SAMMSON: variants seen among roughly 807,000 people sequenced by gnomAD.
SAMMSON encodes the protein survival associated mitochondrial melanoma specific oncogenic non-coding RNA, also known as long intergenic non-protein coding RNA 1212.
Position 70,044,257 on chromosome 3 carries a change from A to G in SAMMSON, n.418-27219A>G, listed in dbSNP as rs145278662. The stretch of plus-strand genomic sequence containing the variant: ...TCTGAGCTCTGGATAGCAAATTGGC[A>G]AAATGGCCTCTTGTCACTGGAAAAT... On this transcript the variant is annotated intron_variant and non_coding_transcript_variant, in intron 3 of 9. Transcript: ENST00000642114. Among the ~76,000 whole-genome samples, 1,204 of 152,170 alleles carry G rather than the reference A, an allele frequency of 7.9e-3. 17 individuals are homozygous for G. Among genetic ancestry groups the G allele is most frequent in the Middle Eastern group, 0.017 (5 of 294 alleles).
chr3:70,146,863 T>C (rs1005774351), intron 4 of SAMMSON, among the ~76,000 whole-genome samples: 2 of 151,954 alleles, frequency 1.3e-5, no homozygotes, highest in South Asian at 2.1e-4. Context: ...CAGGCACTCA[T>C]ATTGGAAAAG....
At chr3:70,429,704 T>C (rs1055056425) in intron 2 of SAMMSON, among the ~76,000 whole-genome samples, 11 of 152,178 alleles carry the variant, frequency 7.2e-5, no homozygotes, top group Non-Finnish European at 1.0e-4. Context: ...GTTGGATTCC[T>C]AGGTATTTTA....
chr3:70,309,861 G>C (rs907038337), intron 7 of SAMMSON, among the ~76,000 whole-genome samples: 5 of 152,116 alleles, frequency 3.3e-5, no homozygotes, highest in African/African-American at 1.2e-4. Flanking sequence ...AGATTTTATA[G>C]ATTACAAGAA....
intron 9 of SAMMSON, among the ~76,000 whole-genome samples, chr3:70,363,493 G>A (rs1702893338): frequency 6.6e-6 from 1 of 151,690 alleles, no homozygotes; most frequent in South Asian, 2.1e-4. Context: ...AATGTTTCAG[G>A]GTACAACATC....
At chr3:70,055,594 T>A (rs992920001) in intron 3 of SAMMSON, among the ~76,000 whole-genome samples, 2 of 152,120 alleles carry the variant, frequency 1.3e-5, no homozygotes, top group African/African-American at 4.8e-5. Context: ...TCTCTCCTTA[T>A]ATAAAAGTTC....
intron 4 of SAMMSON, among the ~76,000 whole-genome samples, chr3:70,189,510 A>G (rs1323865319): frequency 6.6e-6 from 1 of 152,194 alleles, no homozygotes; most frequent in Admixed American, 6.5e-5. Flanking sequence ...GGAATACAAT[A>G]TAGAGTGTAG....
At chr3:70,104,565 C>G (rs1213768422) in intron 4 of SAMMSON, among the ~76,000 whole-genome samples, 1 of 152,102 alleles carries the variant, frequency 6.6e-6, no homozygotes, top group African/African-American at 2.4e-5. Context: ...CGAACACCCC[C>G]AAGGGAAAAG....
chr3:70,334,659 T>C (rs561129176), intron 7 of SAMMSON, among the ~76,000 whole-genome samples: 2 of 152,228 alleles, frequency 1.3e-5, no homozygotes, highest in Admixed American at 1.3e-4. Flanking sequence ...AACATTTATT[T>C]TGTTCAATAC....
chr3:70,186,994 G>GACTT (rs1028481264), intron 4 of SAMMSON, among the ~76,000 whole-genome samples: 7 of 152,172 alleles, frequency 4.6e-5, no homozygotes, highest in Admixed American at 4.6e-4. Context: ...TCTAGCTGGG[G>GACTT]ACTACTGTGT....
chr3:70,403,952 A>C (rs987973979), intron 2 of SAMMSON, among the ~76,000 whole-genome samples: 3 of 152,146 alleles, frequency 2.0e-5, no homozygotes, highest in African/African-American at 7.2e-5. Flanking sequence ...ACTACTTACA[A>C]GTCTTGACAA....
intron 3 of SAMMSON, among the ~76,000 whole-genome samples, chr3:70,045,077 A>G (rs181957482): frequency 7.8e-5 from 6 of 77,318 alleles, no homozygotes; most frequent in African/African-American, 3.8e-4. Flanking sequence ...TATTATAATT[A>G]ATATATATAA....
intron 7 of SAMMSON, among the ~76,000 whole-genome samples, chr3:70,330,662 G>C (rs551124787): frequency 6.6e-6 from 1 of 152,190 alleles, no homozygotes; most frequent in South Asian, 2.1e-4. Context: ...AGTCAGTGCT[G>C]TTGGTTTAAA....
At position 70,106,837 on chromosome 3, in the gene SAMMSON, CAG is replaced by C. The variant is rs2067369031; in HGVS notation, n.507+35274_507+35275del. ...TTAAGATAGCCTTTGAATTTTATAA[CAG>C]AAATATTATTAAAATTAATCCCCAG... On this transcript the variant is annotated intron_variant and non_coding_transcript_variant, in intron 4 of 9. Coordinates refer to ENST00000642114, the Ensembl canonical transcript of SAMMSON. 2.0e-5 allele frequency among the ~76,000 whole-genome samples: 3 copies of C among 152,130 alleles called. No individual in the cohort carries two copies. The South Asian group carries it at 6.2e-4, about 32-fold the overall frequency.
intron 3 of SAMMSON, among the ~76,000 whole-genome samples, chr3:70,054,022 C>G (rs1363449921): frequency 6.6e-6 from 1 of 152,004 alleles, no homozygotes; most frequent in Non-Finnish European, 1.5e-5. Context: ...TAAAATTAAG[C>G]TCTTTTACTT....
intron 7 of SAMMSON, among the ~76,000 whole-genome samples, chr3:70,292,977 C>T (rs913278338): frequency 1.5e-5 from 2 of 133,480 alleles, no homozygotes; most frequent in Non-Finnish European, 3.1e-5. Context: ...AATGTTTCAT[C>T]TTTTCCAAAG....
chr3:70,202,099 G>A (rs1191863584), intron 4 of SAMMSON, among the ~76,000 whole-genome samples: 1 of 152,122 alleles, frequency 6.6e-6, no homozygotes, highest in African/African-American at 2.4e-5. Flanking sequence ...AGTGACTAGT[G>A]TTCTAATAGT....
Position 70,165,835 on chromosome 3 carries a change from C to T in SAMMSON, n.508-83272C>T, listed in dbSNP as rs114286940. 5.3e-3 allele frequency among the ~76,000 whole-genome samples: 801 copies of T among 151,998 alleles called. 9 individuals carry two copies. The highest frequency in any genetic ancestry group is 0.018 in the African/African-American group (762 of 41,478). Reference sequence around the variant, plus strand: ...CTCCAAAATTCAATGCATCATATTCCCAAAGCTATTGCCATCGGAAAATGT... The same window carrying T: ...CTCCAAAATTCAATGCATCATATTCTCAAAGCTATTGCCATCGGAAAATGT... On this transcript the variant is annotated intron_variant and non_coding_transcript_variant, in intron 4 of 9. Transcript: ENST00000642114.
intron 9 of SAMMSON, among the ~76,000 whole-genome samples, chr3:70,368,642 T>G (rs1303958933): frequency 2.0e-5 from 3 of 151,668 alleles, no homozygotes; most frequent in Non-Finnish European, 3.0e-5. Flanking sequence ...CTCTATTGAA[T>G]TGCCTTTGTG....
At chr3:70,417,522 T>C (rs1701272995) in intron 2 of SAMMSON, among the ~76,000 whole-genome samples, 2 of 152,196 alleles carry the variant, frequency 1.3e-5, no homozygotes, top group South Asian at 4.1e-4. Flanking sequence ...CAATTAAAAA[T>C]GGAAATGTAT....
Sources: gnomAD v4.1 joint callset for allele counts (sites outside exome capture counted in the v4.1 genomes callset) on GRCh38, gnomAD v4.1.1 for gene constraint, MANE v1.5 for transcripts, NCBI Gene and HGNC (gene_info 2026-07-23, HGNC 2026-07-21) for gene names.